SLC25A13: variants seen among roughly 807,000 people sequenced by gnomAD.
SLC25A13 encodes solute carrier family 25 member 13, also known as electrogenic aspartate/glutamate antiporter SLC25A13, mitochondrial.
A neutral mutation model predicts 85.5 loss-of-function variants in SLC25A13; 70 were observed. The observed-to-expected ratio is 0.82, with a 90% CI of 0.68 to 1.00. The LOEUF (loss-of-function observed/expected upper bound fraction) is 1.00, where lower values mean the gene tolerates loss of function less well. Among genes scored for constraint, SLC25A13 ranks in the 50% least tolerant of loss-of-function variants. The pLI, the probability that SLC25A13 is intolerant of heterozygous loss-of-function variation, is 0.00. For missense variants in SLC25A13, 765 were observed against 819.8 expected (o/e 0.93, Z 0.82); for synonymous variants, 259 against 288.7 (o/e 0.90, Z 1.04).
At chr7:96,260,216 AG>A (rs1562884724) in intron 3 of SLC25A13, among the ~76,000 whole-genome samples, 1 of 152,088 alleles carries the variant, frequency 6.6e-6, no homozygotes, top group African/African-American at 2.4e-5. Context: ...TAATTAAAAA[AG>A]GGGGAGATTC....
intron 1 of SLC25A13, among the ~76,000 whole-genome samples, chr7:96,320,000 TGTC>T (rs560045858): frequency 0.02 from 2,999 of 152,248 alleles, 94 homozygotes; most frequent in African/African-American, 0.067. Context: ...TTTTATGTTT[TGTC>T]GTTGTTGTTA....
intron 13 of SLC25A13, among the ~76,000 whole-genome samples, chr7:96,151,596 C>CA (rs113913591): frequency 0.019 from 2,545 of 132,542 alleles, 58 homozygotes; most frequent in African/African-American, 0.063. Context: ...GATTCTGTCT[C>CA]AAAAAAAAAA....
intron 3 of SLC25A13, among the ~76,000 whole-genome samples, chr7:96,258,772 CAAGAACA>C (rs1384581341): frequency 1.3e-5 from 2 of 151,992 alleles, no homozygotes; most frequent in African/African-American, 4.8e-5. Context: ...TCCTAAGCAA[CAAGAACA>C]AAGCTGGAGG....
chr7:96,134,793 T>TTATATATATATATATA (rs10522412), intron 14 of SLC25A13, among the ~76,000 whole-genome samples: 1,463 of 102,144 alleles, frequency 0.014, 78 homozygotes, highest in African/African-American at 0.02. Flanking sequence ...ACAAACAATT[T>TTATATATATATATATA]TATATATATA....
chr7:96,223,981 C>T (rs959280073), intron 4 of SLC25A13, among the ~76,000 whole-genome samples: 2 of 151,926 alleles, frequency 1.3e-5, no homozygotes, highest in African/African-American at 4.8e-5. Context: ...TTAAACACAC[C>T]CACACATCCA....
At chr7:96,150,438 A>G (rs1057239131) in intron 13 of SLC25A13, among the ~76,000 whole-genome samples, 1 of 152,150 alleles carries the variant, frequency 6.6e-6, no homozygotes, top group Non-Finnish European at 1.5e-5. Flanking sequence ...CAGATTTTAC[A>G]TAAGAGGAAA....
chr7:96,296,803 A>C, intron 2 of SLC25A13, 95 bp downstream of exon 2: 2 of 1,315,416 alleles, frequency 1.5e-6, no homozygotes, highest in Non-Finnish European at 2.2e-6. Flanking sequence ...CTTTTTCAAA[A>C]TATAACAACG....
chr7:96,315,265 C>A (rs1800088412), intron 1 of SLC25A13, among the ~76,000 whole-genome samples: 1 of 152,164 alleles, frequency 6.6e-6, no homozygotes, highest in Non-Finnish European at 1.5e-5. Context: ...CATTCTTACT[C>A]CAAGAAGGAG....
Position 96,121,013 on chromosome 7 carries a change from C to A in SLC25A13, c.*178G>T, listed in dbSNP as rs950146669. The A allele has an allele frequency of 1.3e-6, 1 of 766,542 alleles. No individual in the cohort carries two copies. Among genetic ancestry groups the A allele is most frequent in the African/African-American group, 1.7e-5 (1 of 58,328 alleles). The allele number at this position is 766,542 out of a possible 1,614,324, so 47.5% of individuals were successfully genotyped here. On this transcript the variant is annotated 3_prime_UTR_variant, in exon 18 of 18. Coordinates refer to ENST00000265631, the MANE Select transcript of SLC25A13 (RefSeq NM_014251.3). ...CAAATAATAATTATGAATAATTTCA[C>A]AATGATCTGGTTAAGAAAACACCCA...
chr7:96,146,927 A>G (rs912253316), intron 13 of SLC25A13, among the ~76,000 whole-genome samples: 1 of 152,192 alleles, frequency 6.6e-6, no homozygotes, highest in African/African-American at 2.4e-5. Flanking sequence ...GAGGGCAAAG[A>G]CCAGAGATTT....
At chr7:96,292,268 T>C (rs1435170196) in intron 2 of SLC25A13, among the ~76,000 whole-genome samples, 1 of 152,144 alleles carries the variant, frequency 6.6e-6, no homozygotes, top group African/African-American at 2.4e-5. Context: ...TAGGTAAAGA[T>C]GGGACGTATC....
intron 2 of SLC25A13, among the ~76,000 whole-genome samples, chr7:96,291,645 A>G (rs1425707872): frequency 2.0e-5 from 3 of 152,216 alleles, no homozygotes; most frequent in African/African-American, 7.2e-5. Flanking sequence ...GAATACTATA[A>G]ACACCTCTAC....
At chr7:96,239,925 C>T (rs1029212770) in intron 3 of SLC25A13, among the ~76,000 whole-genome samples, 3 of 152,124 alleles carry the variant, frequency 2.0e-5, no homozygotes, top group Non-Finnish European at 4.4e-5. Flanking sequence ...CTATAAAATA[C>T]TGGGCCAAAG....
chr7:96,285,402 T>G (rs1360101395), intron 2 of SLC25A13, among the ~76,000 whole-genome samples: 1 of 152,180 alleles, frequency 6.6e-6, no homozygotes, highest in East Asian at 1.9e-4. Flanking sequence ...CCTGTGATAC[T>G]CAGCATACTT....
chr7:96,131,612 C>T, intron 15 of SLC25A13, 131 bp downstream of exon 15: 1 of 1,172,996 alleles, frequency 8.5e-7, no homozygotes, highest in Non-Finnish European at 1.2e-6. Flanking sequence ...AGTAGCTCTT[C>T]AATCTCTAGC....
At chr7:96,247,133 C>T (rs1190544743) in intron 3 of SLC25A13, among the ~76,000 whole-genome samples, 1 of 152,144 alleles carries the variant, frequency 6.6e-6, no homozygotes, top group Non-Finnish European at 1.5e-5. Context: ...GAGCCATATG[C>T]CCGAATCTCT....
chr7:96,146,410 G>A, intron 14 of SLC25A13, 146 bp downstream of exon 14: 1 of 966,346 alleles, frequency 1.0e-6, no homozygotes, highest in Non-Finnish European at 1.5e-6. Context: ...CTTCTAATTG[G>A]CATGAAGGTG....
intron 5 of SLC25A13, among the ~76,000 whole-genome samples, chr7:96,202,605 A>G (rs1795301473): frequency 6.6e-6 from 1 of 152,192 alleles, no homozygotes; most frequent in African/African-American, 2.4e-5. Flanking sequence ...CTGGAAACAG[A>G]AGAAATTTCC....
intron 1 of SLC25A13, among the ~76,000 whole-genome samples, chr7:96,297,205 T>C (rs554369292): frequency 6.6e-6 from 1 of 152,224 alleles, no homozygotes; most frequent in African/African-American, 2.4e-5. Flanking sequence ...TGAATGTATA[T>C]CATTTCTTAA....
Sources: allele counts gnomAD v4.1 joint callset (sites outside exome capture counted in the v4.1 genomes callset), GRCh38; gene constraint gnomAD v4.1.1; transcripts MANE v1.5; gene names NCBI Gene and HGNC (gene_info 2026-07-23, HGNC 2026-07-21).